Variants in PBX3 observed in about 807,000 individuals in gnomAD.
PBX3 encodes the protein pre-B-cell leukemia transcription factor 3.
PBX3 carries 14 observed loss-of-function variants against 48.5 expected under a neutral mutation model. That is an observed-to-expected ratio of 0.29 (90% CI 0.19 to 0.45). PBX3 has a LOEUF of 0.45. Among genes scored for constraint, PBX3 ranks in the 20% least tolerant of loss-of-function variants. The probability of loss-of-function intolerance (pLI) is 1.00; values close to 1 mark genes in which losing one functional copy is unlikely to be tolerated. For synonymous variants in PBX3, 210 were observed against 200.3 expected, an observed-to-expected ratio of 1.05 and a Z score of -0.41; for missense variants, 386 against 546.7, an observed-to-expected ratio of 0.71 and a Z score of 2.93.
At chr9:125,801,931 G>A (rs986765156) in intron 2 of PBX3, among the ~76,000 whole-genome samples, 3 of 151,330 alleles carry the variant, frequency 2.0e-5, no homozygotes, top group Non-Finnish European at 2.9e-5. Flanking sequence ...ATTTATTTTC[G>A]GCTAGGTGTG....
At chr9:125,846,401 G>A (rs577370836) in intron 2 of PBX3, among the ~76,000 whole-genome samples, 1 of 152,120 alleles carries the variant, frequency 6.6e-6, no homozygotes, top group African/African-American at 2.4e-5. Context: ...AAAATATTTT[G>A]AGAGCTTAAA....
chr9:125,902,382 T>C (rs1000725747), intron 2 of PBX3, among the ~76,000 whole-genome samples: 5 of 151,690 alleles, frequency 3.3e-5, no homozygotes, highest in African/African-American at 1.2e-4. Context: ...AATGACTCTG[T>C]AGTGTGATTC....
intron 2 of PBX3, among the ~76,000 whole-genome samples, chr9:125,806,148 A>G (rs1231450615): frequency 6.6e-6 from 1 of 152,170 alleles, no homozygotes. Flanking sequence ...TTGATCTCAT[A>G]TCTGAAGAAA....
intron 2 of PBX3, among the ~76,000 whole-genome samples, chr9:125,838,833 A>C (rs1564683406): frequency 6.6e-6 from 1 of 152,208 alleles, no homozygotes; most frequent in African/African-American, 2.4e-5. Flanking sequence ...CTAATCTGGG[A>C]AGGTTTTATA....
intron 5 of PBX3, among the ~76,000 whole-genome samples, chr9:125,949,834 G>A (rs1220490753): frequency 6.6e-6 from 1 of 152,158 alleles, no homozygotes; most frequent in African/African-American, 2.4e-5. Context: ...CGTGAAACTT[G>A]TCAGGACAAA....
chr9:125,823,491 A>G (rs544253213), intron 2 of PBX3, among the ~76,000 whole-genome samples: 9 of 152,176 alleles, frequency 5.9e-5, no homozygotes, highest in Admixed American at 3.3e-4. Context: ...TGAATTTAAC[A>G]TATATAATGT....
chr9:125,930,562 T>C (rs940769818), intron 4 of PBX3, among the ~76,000 whole-genome samples: 3 of 152,222 alleles, frequency 2.0e-5, no homozygotes, highest in Admixed American at 6.5e-5. Context: ...TTCTATTTTG[T>C]TTTTCTTTCT....
chr9:125,914,552 GTA>G, intron 2 of PBX3, among the ~76,000 whole-genome samples: 1 of 135,330 alleles, frequency 7.4e-6, no homozygotes, highest in Admixed American at 8.0e-5. Context: ...GTTATGTCAT[GTA>G]AGTTACACTA....
chr9:125,897,911 TTAAAA>T (rs1362356694), intron 2 of PBX3, among the ~76,000 whole-genome samples: 4 of 151,914 alleles, frequency 2.6e-5, no homozygotes, highest in Admixed American at 2.0e-4. Flanking sequence ...TTAGTCATTC[TTAAAA>T]TAATTAAGAT....
chr9:125,875,657 G>A (rs1471782952), intron 2 of PBX3, among the ~76,000 whole-genome samples: 2 of 152,040 alleles, frequency 1.3e-5, no homozygotes, highest in Non-Finnish European at 2.9e-5. Flanking sequence ...CTGACCTTCT[G>A]CCGCCACCTC....
At chr9:125,841,203 C>T (rs989595238) in intron 2 of PBX3, among the ~76,000 whole-genome samples, 2 of 152,108 alleles carry the variant, frequency 1.3e-5, no homozygotes, top group Admixed American at 6.5e-5. Context: ...AGAGCTTGGA[C>T]TTGTTACCAA....
At chr9:125,937,464 C>T (rs1316279748) in intron 5 of PBX3, among the ~76,000 whole-genome samples, 1 of 151,750 alleles carries the variant, frequency 6.6e-6, no homozygotes, top group Non-Finnish European at 1.5e-5. Context: ...GAAAAAGGTA[C>T]AGAGGTAGAA....
At chr9:125,792,216 C>T (rs1837634485) in intron 2 of PBX3, among the ~76,000 whole-genome samples, 1 of 152,070 alleles carries the variant, frequency 6.6e-6, no homozygotes, top group Non-Finnish European at 1.5e-5. Context: ...AAAGGCTGCA[C>T]AGAGGAGGTA....
intron 2 of PBX3, among the ~76,000 whole-genome samples, chr9:125,791,888 C>CAAAA (rs879635585): frequency 7.7e-6 from 1 of 129,288 alleles, no homozygotes. Context: ...GACTCCGTCT[C>CAAAA]AAAAAAAAAA....
At chr9:125,872,330 CCAAA>C (rs1284508392) in intron 2 of PBX3, among the ~76,000 whole-genome samples, 3 of 151,786 alleles carry the variant, frequency 2.0e-5, no homozygotes, top group Non-Finnish European at 2.9e-5. Flanking sequence ...CAAATAGGTA[CCAAA>C]CAAATAACAA....
intron 2 of PBX3, among the ~76,000 whole-genome samples, chr9:125,902,552 A>G (rs1204882570): frequency 6.6e-6 from 1 of 151,752 alleles, no homozygotes; most frequent in African/African-American, 2.4e-5. Context: ...AATTTGTAGT[A>G]TCACTAAATA....
intron 5 of PBX3, among the ~76,000 whole-genome samples, chr9:125,942,552 T>C (rs1012363736): frequency 1.3e-5 from 2 of 152,166 alleles, no homozygotes; most frequent in African/African-American, 4.8e-5. Flanking sequence ...AAAAAGAAGA[T>C]GACTATCAAA....
intron 2 of PBX3, among the ~76,000 whole-genome samples, chr9:125,833,354 C>T (rs1012560546): frequency 6.6e-6 from 1 of 151,932 alleles, no homozygotes; most frequent in Non-Finnish European, 1.5e-5. Flanking sequence ...CGTGGTGGTG[C>T]ACACCTGTAG....
intron 2 of PBX3, among the ~76,000 whole-genome samples, chr9:125,829,025 A>T (rs1838884141): frequency 6.6e-6 from 1 of 152,216 alleles, no homozygotes; most frequent in Non-Finnish European, 1.5e-5. Flanking sequence ...GGAGTCTGGT[A>T]TTGAAAGAAG....
Sources: allele counts gnomAD v4.1 joint callset (sites outside exome capture counted in the v4.1 genomes callset), GRCh38; gene constraint gnomAD v4.1.1; transcripts MANE v1.5; gene names NCBI Gene and HGNC (gene_info 2026-07-23, HGNC 2026-07-21).